Variants in PBRM1 observed in about 807,000 individuals in gnomAD.
PBRM1 encodes protein polybromo-1.
In PBRM1, 27 loss-of-function variants were observed where a neutral mutation model predicts 194.5. The observed-to-expected ratio is 0.14, with a 90% CI of 0.10 to 0.19. The LOEUF is 0.19. PBRM1 is among the 10% of genes least tolerant of loss of function. The pLI, the probability that PBRM1 is intolerant of heterozygous loss-of-function variation, is 1.00. For synonymous variants in PBRM1, 655 were observed against 693.2 expected (o/e 0.94, Z 0.87); for missense variants, 1,466 against 2,077.2 (o/e 0.71, Z 5.72).
At chr3:52,658,972 G>A (rs1292355873) in intron 4 of PBRM1, among the ~76,000 whole-genome samples, 1 of 152,178 alleles carries the variant, frequency 6.6e-6, no homozygotes, top group Non-Finnish European at 1.5e-5. Context: ...TTCTATATCT[G>A]CTGTTCACAT....
chr3:52,568,847 T>C (rs1181119394), intron 22 of PBRM1, among the ~76,000 whole-genome samples: 2 of 152,194 alleles, frequency 1.3e-5, no homozygotes, highest in South Asian at 2.1e-4. Context: ...CTGGTAAGGA[T>C]AGATCCCCTT....
intron 27 of PBRM1, among the ~76,000 whole-genome samples, chr3:52,554,014 G>T (rs975816490): frequency 6.6e-6 from 1 of 152,124 alleles, no homozygotes; most frequent in Non-Finnish European, 1.5e-5. Flanking sequence ...TGCCCAGGCT[G>T]GTCTTGAACT....
intron 29 of PBRM1, among the ~76,000 whole-genome samples, chr3:52,549,304 G>A (rs2080268784): frequency 6.6e-6 from 1 of 152,024 alleles, no homozygotes; most frequent in Non-Finnish European, 1.5e-5. Context: ...ACAGGCGTGA[G>A]CCACCGCTCC....
chr3:52,573,301 T>C (rs1199970190), intron 22 of PBRM1, among the ~76,000 whole-genome samples: 2 of 152,098 alleles, frequency 1.3e-5, no homozygotes, highest in Non-Finnish European at 2.9e-5. Flanking sequence ...TTTTTTTTTT[T>C]TGTTACATAG....
chr3:52,554,957 T>C (rs574274064), intron 26 of PBRM1, 78 bp from the exon 29 acceptor site: 54 of 1,143,758 alleles, frequency 4.7e-5, no homozygotes, highest in South Asian at 4.1e-4. Context: ...AACCCCCACA[T>C]GCACTACCAA....
chr3:52,657,022 A>C (rs2096620167), intron 5 of PBRM1, among the ~76,000 whole-genome samples: 1 of 152,250 alleles, frequency 6.6e-6, no homozygotes, highest in Non-Finnish European at 1.5e-5. Context: ...TGAATCCTGA[A>C]CATATGCTAA....
rs757964225 is a variant in PBRM1, at chr3:52,615,330, T to C, written c.1924+21A>G. 9.3e-6 allele frequency: 12 copies of C among 1,287,020 alleles called. No homozygotes were observed. The South Asian group carries it at 1.4e-4, about 15-fold the overall frequency. 79.7% of individuals were successfully genotyped at this position (1,287,020 alleles called of 1,614,324 possible). A position where few individuals can be genotyped will look rare whatever the true frequency, so the allele number is the denominator to read the frequency against. On this transcript the variant is annotated intron_variant, in intron 15 of 29. Transcript: ENST00000296302. ...CTTCTTGATAGACTAAACTAAATAA[T>C]GAAGTGTGAGGCTGCCTTACTCAGC...
At chr3:52,657,784 T>TC (rs2096635949) in intron 5 of PBRM1, among the ~76,000 whole-genome samples, 1 of 149,880 alleles carries the variant, frequency 6.7e-6, no homozygotes, top group African/African-American at 2.5e-5. Context: ...ATCTTCCTTT[T>TC]CTTTTTTTTT....
intron 16 of PBRM1, among the ~76,000 whole-genome samples, chr3:52,605,547 T>C (rs2094293578): frequency 6.6e-6 from 1 of 151,450 alleles, no homozygotes; most frequent in Admixed American, 6.6e-5. Flanking sequence ...AAAGGTGAAC[T>C]GACAAACAAT....
Position 52,634,816 on chromosome 3 carries a change from C to T in PBRM1, c.1088-1G>A, listed in dbSNP as rs1389880952. On this transcript the variant is annotated splice_acceptor_variant, in intron 10 of 29. Coordinates refer to ENST00000296302, the Ensembl canonical transcript of PBRM1. LOFTEE classifies it high-confidence loss of function. The stretch of plus-strand genomic sequence containing the variant: ...GACTCTCCCTCTTCATAGCGTGCAG[C>T]TGGAAAGACAAAAAAAGTATTTATA... 6.2e-7 allele frequency: 1 copy of T among 1,607,222 alleles called. No individual in the cohort carries two copies. Among genetic ancestry groups the T allele is most frequent in the South Asian group, 1.1e-5 (1 of 90,000 alleles).
At chr3:52,563,608 C>G in intron 23 of PBRM1, 115 bp from the exon 26 acceptor site, 1 of 678,752 alleles carries the variant, frequency 1.5e-6, no homozygotes, top group Non-Finnish European at 2.6e-6. Flanking sequence ...GCAATATATG[C>G]TCTAAAGGCA....
At chr3:52,670,983 C>T (rs2096935088) in intron 2 of PBRM1, among the ~76,000 whole-genome samples, 1 of 152,250 alleles carries the variant, frequency 6.6e-6, no homozygotes, top group African/African-American at 2.4e-5. Context: ...ATGTCCTTAA[C>T]ATTCATTCTT....
intron 17 of PBRM1, among the ~76,000 whole-genome samples, chr3:52,593,485 C>T (rs1333812869): frequency 6.6e-6 from 1 of 152,184 alleles, no homozygotes; most frequent in African/African-American, 2.4e-5. Context: ...AATCCACTCT[C>T]CTTGGCCTCC....
At chr3:52,566,901 T>C (rs1033893363) in intron 22 of PBRM1, among the ~76,000 whole-genome samples, 1 of 152,016 alleles carries the variant, frequency 6.6e-6, no homozygotes, top group Non-Finnish European at 1.5e-5. Flanking sequence ...AAACCCCGTC[T>C]CTACTAAAAA....
At chr3:52,614,999 T>C (rs1228506496) in intron 15 of PBRM1, among the ~76,000 whole-genome samples, 2 of 152,224 alleles carry the variant, frequency 1.3e-5, no homozygotes. Flanking sequence ...GATTCATTTT[T>C]AATTCTAGTA....
intron 21 of PBRM1, among the ~76,000 whole-genome samples, chr3:52,578,733 G>C (rs191386023): frequency 6.6e-6 from 1 of 152,330 alleles, no homozygotes; most frequent in African/African-American, 2.4e-5. Context: ...GTGCAACAGG[G>C]AGACTTAACC....
chr3:52,644,734 T>C, exon 8 of PBRM1: 1 of 1,565,008 alleles, frequency 6.4e-7, no homozygotes, highest in Non-Finnish European at 8.8e-7. Flanking sequence ...AGCCATTTCA[T>C]GATGTTCAAT....
chr3:52,618,985 G>A (rs2095130497), intron 13 of PBRM1, among the ~76,000 whole-genome samples: 2 of 152,202 alleles, frequency 1.3e-5, no homozygotes, highest in Admixed American at 1.3e-4. Context: ...CCGACCTCAG[G>A]TGATCCGCCT....
intron 18 of PBRM1, 36 bp from the exon 21 acceptor site, chr3:52,587,546 G>C: frequency 2.3e-6 from 3 of 1,293,974 alleles, no homozygotes; most frequent in Non-Finnish European, 2.2e-6. Flanking sequence ...GGAAGAGAAA[G>C]AGAATCATTG....
Sources: allele counts gnomAD v4.1 joint callset (sites outside exome capture counted in the v4.1 genomes callset), GRCh38; gene constraint gnomAD v4.1.1; transcripts MANE v1.5; gene names NCBI Gene and HGNC (gene_info 2026-07-23, HGNC 2026-07-21).